Variants in TRPM4 observed in about 807,000 individuals in gnomAD.
TRPM4 encodes calcium-activated non-selective cation channel 1.
In TRPM4, 124 loss-of-function variants were observed where a neutral mutation model predicts 135.6. The observed-to-expected ratio is 0.91, with a 90% CI of 0.79 to 1.06. TRPM4 has a LOEUF of 1.06. Among genes scored for constraint, TRPM4 ranks in the 50% least tolerant of loss-of-function variants. The probability of loss-of-function intolerance (pLI) is 0.00; values close to 1 mark genes in which losing one functional copy is unlikely to be tolerated. For missense variants in TRPM4, 1,658 were observed against 1,671.4 expected, an observed-to-expected ratio of 0.99 and a Z score of 0.14; for synonymous variants, 745 against 705.6, an observed-to-expected ratio of 1.06 and a Z score of -0.88.
At chr19:49,181,293 C>A in intron 9 of TRPM4, 56 bp from the exon 10 acceptor site, 1 of 1,308,506 alleles carries the variant, frequency 7.6e-7, no homozygotes, top group Non-Finnish European at 1.1e-6. Flanking sequence ...AATAGACATT[C>A]AGCAGATGTC....
intron 14 of TRPM4, 86 bp downstream of exon 14, chr19:49,189,177 C>T: frequency 2.5e-6 from 4 of 1,578,710 alleles, no homozygotes; most frequent in East Asian, 2.3e-5. Context: ...TTGGGAACAT[C>T]TATGGTCTTG....
At chr19:49,191,125 C>T (rs1384855551) in intron 16 of TRPM4, among the ~76,000 whole-genome samples, 2 of 152,132 alleles carry the variant, frequency 1.3e-5, no homozygotes, top group Non-Finnish European at 2.9e-5. Context: ...GGTGCTGAGC[C>T]ATTTGTGAAG....
At chr19:49,164,227 TTC>T (rs531520985) in intron 2 of TRPM4, among the ~76,000 whole-genome samples, 1 of 149,526 alleles carries the variant, frequency 6.7e-6, no homozygotes, top group Non-Finnish European at 1.5e-5. Context: ...TTCTTTTCTT[TTC>T]TCTCTCTCTT....
rs779993609 is a variant in TRPM4 at position 49,166,129 on chromosome 19, T to A, written c.181T>A (p.Trp61Arg). The A allele has an allele frequency of 2.5e-6, 4 of 1,606,976 alleles. No homozygotes were observed. Among genetic ancestry groups the A allele is most frequent in the Admixed American group, 1.7e-5 (1 of 58,916 alleles). The change falls in exon 3 of 25, where the codon TGG (tryptophan) becomes AGG (arginine). Residue 61 changes from tryptophan to arginine, a missense_variant. Transcript: ENST00000252826. The part of the protein sequence containing the change: ...DAFGAAVVTV[W>R]DSDAHTTEKP... ...CTTCGGGGCAGCCGTGGTGACCGTG[T>A]GGGACAGCGATGCACACACCACGGA...
intron 12 of TRPM4, among the ~76,000 whole-genome samples, chr19:49,187,194 T>C (rs1447801636): frequency 1.4e-5 from 2 of 143,304 alleles, no homozygotes; most frequent in East Asian, 2.0e-4. Flanking sequence ...AGCATTTTCT[T>C]GTTTTTTTTT....
Position 49,171,238 on chromosome 19 carries a change from C to T in TRPM4, c.797-119C>T. On this transcript the variant is annotated intron_variant, in intron 6 of 24. Coordinates refer to ENST00000252826, the MANE Select transcript of TRPM4 (RefSeq NM_017636.4). This position sits in a 1 kb window ranked among gnomAD's most constrained non-coding sequence, Gnocchi z 4.7. ...AAAAGAAATGACAATTCCAATGAGC[C>T]TCTGAACAGAAGATTAGGACAAGGC... 9.6e-7 allele frequency: 1 copy of T among 1,043,166 alleles called. No homozygotes were observed. The highest frequency in any genetic ancestry group is 1.5e-6 in the Non-Finnish European group (1 of 664,036). The allele number at this position is 1,043,166 out of a possible 1,614,324, so 64.6% of individuals were successfully genotyped here. A position where few individuals can be genotyped will look rare whatever the true frequency, so the allele number is the denominator to read the frequency against.
In TRPM4 at chr19:49,204,854, G is replaced by A. The variant is rs187422495; in HGVS notation, c.3131+2713G>A. 5.2e-3 allele frequency among the ~76,000 whole-genome samples: 778 copies of A among 149,646 alleles called. 6 individuals are homozygous for A. The highest frequency in any genetic ancestry group is 0.018 in the African/African-American group (738 of 40,732). ...TGGGATTACAGGCGTGAGCCACCGT[G>A]CCCAGCGGCTATTTTTTTTTTTTTT... On this transcript the variant is annotated intron_variant, in intron 20 of 24. Transcript: ENST00000252826.
intron 2 of TRPM4, chr19:49,159,975 A>T (rs1966902281): frequency 6.6e-6 from 1 of 152,282 alleles, no homozygotes; most frequent in Non-Finnish European, 1.5e-5. Flanking sequence ...AAGACAATTT[A>T]GGAAACTCTG....
At position 49,210,625 on chromosome 19, in the gene TRPM4, G is replaced by C. The variant is rs932093036; in HGVS notation, c.3329-85G>C. ...CACCAGGGGCTGGGTCTGGGATAGC[G>C]TGCGTGTTCTGAGGGTGTCGGAAGG... is the stretch of plus-strand genomic sequence containing the variant. On this transcript the variant is annotated intron_variant, in intron 21 of 24. Coordinates refer to ENST00000252826, the MANE Select transcript of TRPM4 (RefSeq NM_017636.4). This position sits in a 1 kb window ranked among gnomAD's most constrained non-coding sequence, Gnocchi z 4.1. The C allele has an allele frequency of 1.3e-5, 21 of 1,600,840 alleles. No individual in the cohort carries two copies. The highest frequency in any genetic ancestry group is 1.6e-5 in the Non-Finnish European group (19 of 1,169,936).
intron 2 of TRPM4, among the ~76,000 whole-genome samples, chr19:49,163,536 G>C (rs1039967239): frequency 3.9e-5 from 6 of 151,934 alleles, no homozygotes; most frequent in Admixed American, 6.6e-5. Context: ...CTGTTGCCTA[G>C]CCTGAACTGC....
chr19:49,170,242 G>A (rs1018557849), intron 6 of TRPM4, among the ~76,000 whole-genome samples: 1 of 152,136 alleles, frequency 6.6e-6, no homozygotes, highest in Non-Finnish European at 1.5e-5. Context: ...AGGCTGGAGT[G>A]CAGTGGCGTG....
chr19:49,201,892 C>T (rs565240397), intron 19 of TRPM4, 72 bp from the exon 20 acceptor site: 62 of 1,547,124 alleles, frequency 4.0e-5, no homozygotes, highest in Admixed American at 1.0e-4. Flanking sequence ...TGAGCCACCG[C>T]GCCCGGCAGT....
intron 12 of TRPM4, among the ~76,000 whole-genome samples, chr19:49,186,841 C>T (rs534495464): frequency 6.6e-6 from 1 of 151,566 alleles, no homozygotes; most frequent in Non-Finnish European, 1.5e-5. Flanking sequence ...GCATTGCACT[C>T]CAGCCTGGGC....
chr19:49,173,840 A>AT (rs35933161), intron 9 of TRPM4, among the ~76,000 whole-genome samples: 38 of 149,944 alleles, frequency 2.5e-4, no homozygotes, highest in African/African-American at 7.6e-4. Flanking sequence ...CAAAAAAAAA[A>AT]TTTTTTTTTT....
chr19:49,196,951 C>A (rs1968679553), intron 17 of TRPM4, 77 bp downstream of exon 17: 2 of 1,382,026 alleles, frequency 1.4e-6, no homozygotes, highest in Non-Finnish European at 1.9e-6. Flanking sequence ...GGTCTCCACT[C>A]CCGGCTTCCC....
Position 49,203,400 on chromosome 19 carries a change from C to T in TRPM4, c.3131+1259C>T, listed in dbSNP as rs182688359. On this transcript the variant is annotated intron_variant, in intron 20 of 24. Transcript: ENST00000252826. ...TTCACCGTGTTAGCCAGGATGGTTT[C>T]GATCTCCTGACCTTGTGATCCGCCC... Among the ~76,000 whole-genome samples, 786 of 152,134 alleles carry T rather than the reference C, an allele frequency of 5.2e-3. 9 individuals are homozygous for T. The highest frequency in any genetic ancestry group is 0.037 in the East Asian group (190 of 5,166).
chr19:49,163,525 T>C (rs1301608715), intron 2 of TRPM4, among the ~76,000 whole-genome samples: 1 of 152,060 alleles, frequency 6.6e-6, no homozygotes, highest in Non-Finnish European at 1.5e-5. Context: ...ATGGTCTTGC[T>C]CTGTTGCCTA....
At chr19:49,201,438 A>C (rs1019325732) in intron 19 of TRPM4, among the ~76,000 whole-genome samples, 4 of 152,252 alleles carry the variant, frequency 2.6e-5, no homozygotes, top group African/African-American at 9.6e-5. Flanking sequence ...GCAAATATTT[A>C]GGCTAAATTG....
chr19:49,172,729 C>T (rs1276391102), intron 9 of TRPM4, among the ~76,000 whole-genome samples: 1 of 152,002 alleles, frequency 6.6e-6, no homozygotes, highest in Admixed American at 6.5e-5. Context: ...CCTGTCCATC[C>T]ACACATCCAC....
Sources: gnomAD v4.1 joint callset for allele counts (sites outside exome capture counted in the v4.1 genomes callset) on GRCh38, gnomAD v4.1.1 for gene constraint, Gnocchi (gnomAD v3.1) non-coding constraint, MANE v1.5 for transcripts, NCBI Gene and HGNC (gene_info 2026-07-23, HGNC 2026-07-21) for gene names.